CNBD1: variants seen among roughly 807,000 people sequenced by gnomAD.
CNBD1 encodes cyclic nucleotide-binding domain-containing protein 1.
Under a neutral mutation model 54.4 loss-of-function variants are expected in CNBD1, and 71 were observed. The observed-to-expected ratio is 1.30, with a 90% CI of 1.08 to 1.59. CNBD1 has a LOEUF of 1.59. Among genes scored for constraint, CNBD1 ranks in the 40% most tolerant of loss-of-function variants. The pLI is 0.00. For synonymous variants in CNBD1, 182 were observed against 170.7 expected, an observed-to-expected ratio of 1.07 and a Z score of -0.51; for missense variants, 659 against 518.0, an observed-to-expected ratio of 1.27 and a Z score of -2.64.
chr8:87,021,658 A>T (rs1476874710), intron 4 of CNBD1, among the ~76,000 whole-genome samples: 3 of 152,210 alleles, frequency 2.0e-5, no homozygotes, highest in Admixed American at 6.5e-5. Flanking sequence ...GTTCCCATTG[A>T]CACTTGTAGG....
At chr8:87,246,899 AT>A (rs1807817113) in intron 6 of CNBD1, among the ~76,000 whole-genome samples, 1 of 152,100 alleles carries the variant, frequency 6.6e-6, no homozygotes, top group African/African-American at 2.4e-5. Flanking sequence ...ACAACTCATC[AT>A]AATGTAGAAC....
intron 8 of CNBD1, among the ~76,000 whole-genome samples, chr8:87,347,481 C>G (rs968494501): frequency 2.0e-5 from 3 of 148,378 alleles, no homozygotes; most frequent in Non-Finnish European, 4.4e-5. Flanking sequence ...AAGCAATAAA[C>G]AAATCAATAA....
intron 8 of CNBD1, among the ~76,000 whole-genome samples, chr8:87,333,901 G>T (rs1386934257): frequency 6.6e-6 from 1 of 152,148 alleles, no homozygotes; most frequent in East Asian, 1.9e-4. Flanking sequence ...TTAGGGAGGA[G>T]TCCCTCCTTT....
chr8:86,986,281 TTA>T (rs1282988308), intron 4 of CNBD1, among the ~76,000 whole-genome samples: 22 of 152,150 alleles, frequency 1.4e-4, no homozygotes, highest in African/African-American at 4.6e-4. Flanking sequence ...ATGAGCAGTT[TTA>T]TATGTTTATT....
intron 2 of CNBD1, among the ~76,000 whole-genome samples, chr8:87,390,221 T>C (rs976938323): frequency 9.2e-5 from 14 of 152,070 alleles, no homozygotes; most frequent in Admixed American, 8.5e-4. Context: ...CCAAAAGTAA[T>C]GGCAACAAAA....
In CNBD1 at chr8:87,354,653, G is replaced by A. The variant is rs913968265; in HGVS notation, c.1303+867G>A. 1.6e-4 allele frequency among the ~76,000 whole-genome samples: 25 copies of A among 151,804 alleles called. No homozygotes were observed. The East Asian group carries it at 1.8e-3, about 11-fold the overall frequency. The stretch of plus-strand genomic sequence containing the variant: ...TTCCCACCTATGAGTGAGAACATGC[G>A]GTGTTTGGTTTTTTGTCCTTGTGAT... On this transcript the variant is annotated intron_variant, in intron 10 of 10. Coordinates refer to ENST00000518476, the MANE Select transcript of CNBD1 (RefSeq NM_173538.3).
intron 4 of CNBD1, among the ~76,000 whole-genome samples, chr8:87,172,015 T>G (rs1273104957): frequency 6.6e-6 from 1 of 152,122 alleles, no homozygotes; most frequent in Non-Finnish European, 1.5e-5. Flanking sequence ...AAAGGTTTTG[T>G]GTGTTGTGTT....
chr8:87,156,837 C>T (rs1462781217), intron 4 of CNBD1, among the ~76,000 whole-genome samples: 4 of 151,924 alleles, frequency 2.6e-5, no homozygotes, highest in Admixed American at 6.6e-5. Context: ...AACTCAGTTC[C>T]CTGTTAGAAT....
intron 6 of CNBD1, among the ~76,000 whole-genome samples, chr8:87,246,770 A>C (rs967618315): frequency 6.6e-6 from 1 of 152,100 alleles, no homozygotes; most frequent in African/African-American, 2.4e-5. Context: ...GTGTTGTAGA[A>C]GACAATTTTT....
At chr8:87,181,722 A>G in intron 4 of CNBD1, among the ~76,000 whole-genome samples, 1 of 152,044 alleles carries the variant, frequency 6.6e-6, no homozygotes, top group East Asian at 1.9e-4. Flanking sequence ...CTACTCTGAT[A>G]CTTAACACTC....
At chr8:87,402,770 C>T (rs1376401971) in intron 2 of CNBD1, among the ~76,000 whole-genome samples, 3 of 151,998 alleles carry the variant, frequency 2.0e-5, no homozygotes, top group Non-Finnish European at 4.4e-5. Flanking sequence ...AATGGAAAGA[C>T]TGGTACTCAG....
chr8:87,400,394 C>T (rs1807535769), intron 2 of CNBD1, among the ~76,000 whole-genome samples: 1 of 151,876 alleles, frequency 6.6e-6, no homozygotes. Flanking sequence ...GACTACCATT[C>T]TTGGGTAGAA....
chr8:87,256,923 C>T (rs866876213), intron 6 of CNBD1, among the ~76,000 whole-genome samples: 1 of 151,868 alleles, frequency 6.6e-6, no homozygotes, highest in Non-Finnish European at 1.5e-5. Flanking sequence ...AAGATCCAAT[C>T]TTCGGGTTCT....
In CNBD1 at chr8:86,987,003, G is replaced by A. The variant is rs189198418; in HGVS notation, c.431+47249G>A. Among the ~76,000 whole-genome samples the A allele has an allele frequency of 1.5e-3, 223 of 152,158 alleles. 1 individual carries two copies. Among genetic ancestry groups the A allele is most frequent in the African/African-American group, 5.2e-3 (216 of 41,520 alleles). On this transcript the variant is annotated intron_variant, in intron 4 of 10. Transcript: ENST00000518476. ...CTTTGGCTATTCCACTTCATTTTTGGTTGCATATAAATTCTAGAATAGTGT... is the reference window on the plus strand; with the variant it reads ...CTTTGGCTATTCCACTTCATTTTTGATTGCATATAAATTCTAGAATAGTGT...
intron 4 of CNBD1, among the ~76,000 whole-genome samples, chr8:87,007,515 T>C (rs1809127917): frequency 6.6e-6 from 1 of 152,196 alleles, no homozygotes; most frequent in Non-Finnish European, 1.5e-5. Context: ...TTGCCCTTTT[T>C]GAACTGGTAA....
At chr8:87,276,462 AT>A in intron 6 of CNBD1, among the ~76,000 whole-genome samples, 1 of 151,000 alleles carries the variant, frequency 6.6e-6, no homozygotes, top group African/African-American at 2.5e-5. Context: ...GTTCTGAATA[AT>A]TTTGTTACTC....
At chr8:87,060,286 G>A (rs544362487) in intron 4 of CNBD1, among the ~76,000 whole-genome samples, 1 of 152,110 alleles carries the variant, frequency 6.6e-6, no homozygotes, top group African/African-American at 2.4e-5. Context: ...ATTTTAAGCT[G>A]CTAAGTTTGT....
chr8:87,285,169 C>T (rs562840368), intron 7 of CNBD1, among the ~76,000 whole-genome samples: 1 of 152,068 alleles, frequency 6.6e-6, no homozygotes, highest in African/African-American at 2.4e-5. Context: ...AATAATAAGA[C>T]AGATAATAGT....
At chr8:87,210,656 G>A (rs1037902188) in intron 5 of CNBD1, among the ~76,000 whole-genome samples, 1 of 152,178 alleles carries the variant, frequency 6.6e-6, no homozygotes, top group Non-Finnish European at 1.5e-5. Flanking sequence ...ATAAGCTTTG[G>A]TGGTTTCCAT....
Sources: gnomAD v4.1 joint callset for allele counts (sites outside exome capture counted in the v4.1 genomes callset) on GRCh38, gnomAD v4.1.1 for gene constraint, MANE v1.5 for transcripts, NCBI Gene and HGNC (gene_info 2026-07-23, HGNC 2026-07-21) for gene names.